PRDM16: variants seen among roughly 807,000 people sequenced by gnomAD.
The protein encoded by PRDM16 is PR/SET domain 16.
PRDM16 carries 23 observed loss-of-function variants against 110.6 expected under a neutral mutation model. The observed-to-expected ratio is 0.21, with a 90% confidence interval of 0.15 to 0.29. PRDM16 has a LOEUF of 0.29. PRDM16 is among the 10% of genes least tolerant of loss of function. The pLI, the probability that PRDM16 is intolerant of heterozygous loss-of-function variation, is 1.00. For synonymous variants in PRDM16, 799 were observed against 781.8 expected, an observed-to-expected ratio of 1.02 and a Z score of -0.37; for missense variants, 1,615 against 1,794.3, an observed-to-expected ratio of 0.90 and a Z score of 1.81.
At chr1:3,351,113 G>A (rs570221132) in intron 3 of PRDM16, among the ~76,000 whole-genome samples, 93 of 152,274 alleles carry the variant, frequency 6.1e-4, no homozygotes, top group Middle Eastern at 3.4e-3. Context: ...AGACGTTTTG[G>A]GGGCATGTTC....
Position 3,250,375 on chromosome 1 carries a change from G to T in PRDM16, c.438+6238G>T, listed in dbSNP as rs927594520. On this transcript the variant is annotated intron_variant, in intron 3 of 16. Coordinates refer to ENST00000270722, the MANE Select transcript of PRDM16 (RefSeq NM_022114.4). Reference sequence around the variant, plus strand: ...GGGGCCCCTTCACAGGCTGATAAGGGTGATTAATGGCCCGTTAGCATGGCC... The same window carrying T: ...GGGGCCCCTTCACAGGCTGATAAGGTTGATTAATGGCCCGTTAGCATGGCC... Among the ~76,000 whole-genome samples, 17 of 152,280 alleles carry T rather than the reference G, an allele frequency of 1.1e-4. 1 individual carries two copies. Among genetic ancestry groups the T allele is most frequent in the African/African-American group, 4.1e-4 (17 of 41,554 alleles).
At chr1:3,218,558 GT>G (rs1639083713) in intron 2 of PRDM16, among the ~76,000 whole-genome samples, 1 of 152,184 alleles carries the variant, frequency 6.6e-6, no homozygotes, top group East Asian at 1.9e-4. Context: ...TCTTCACCAA[GT>G]TTTGAATGGC....
chr1:3,264,321 C>A (rs1640235760), intron 3 of PRDM16, among the ~76,000 whole-genome samples: 2 of 152,026 alleles, frequency 1.3e-5, no homozygotes, highest in Non-Finnish European at 2.9e-5. Flanking sequence ...ATCCAAGGAC[C>A]CCGGGCCAGA....
At chr1:3,198,626 C>T (rs1306924470) in intron 2 of PRDM16, among the ~76,000 whole-genome samples, 1 of 152,168 alleles carries the variant, frequency 6.6e-6, no homozygotes, top group African/African-American at 2.4e-5. Context: ...GCATGAAGAA[C>T]GGCACCAGCC....
intron 1 of PRDM16, among the ~76,000 whole-genome samples, chr1:3,162,282 C>G (rs1480498085): frequency 6.6e-6 from 1 of 152,080 alleles, no homozygotes; most frequent in Non-Finnish European, 1.5e-5. Context: ...TCCCGAGTCC[C>G]GGGACTTTCT....
chr1:3,411,313 C>A, intron 8 of PRDM16, 71 bp from the exon 9 acceptor site: 3 of 1,512,304 alleles, frequency 2.0e-6, no homozygotes, highest in South Asian at 2.6e-5. Context: ...CCAGTAATTT[C>A]ATGTGGCGTT....
intron 3 of PRDM16, among the ~76,000 whole-genome samples, chr1:3,365,997 C>T (rs187472602): frequency 1.2e-3 from 184 of 152,296 alleles, no homozygotes; most frequent in African/African-American, 4.1e-3. Context: ...AACATGCACA[C>T]ATACGCGCAC....
chr1:3,179,312 G>T (rs1440805952), intron 1 of PRDM16, among the ~76,000 whole-genome samples: 1 of 152,264 alleles, frequency 6.6e-6, no homozygotes, highest in Non-Finnish European at 1.5e-5. Context: ...GACAGGCTGG[G>T]TGTCAGGGGC....
chr1:3,341,770 C>G (rs1206940041), intron 3 of PRDM16, among the ~76,000 whole-genome samples: 1 of 152,254 alleles, frequency 6.6e-6, no homozygotes, highest in Non-Finnish European at 1.5e-5. Context: ...GCTCCCAGGC[C>G]AGCCACACAG....
rs1185349819 is a variant in PRDM16 at position 3,352,586 on chromosome 1, C to T, written c.439-32566C>T. ...AAGGCCTCCTGCTGCTTTTAATAGG[C>T]CTGCGGGCCTGACCATCTGATGAGA... is the stretch of plus-strand genomic sequence containing the variant. On this transcript the variant is annotated intron_variant, in intron 3 of 16. Coordinates refer to ENST00000270722, the MANE Select transcript of PRDM16 (RefSeq NM_022114.4). 2.6e-5 allele frequency among the ~76,000 whole-genome samples: 4 copies of T among 152,358 alleles called. No homozygotes were observed. In the South Asian group the frequency reaches 6.2e-4, roughly 24 times the overall value.
At chr1:3,407,596 G>A (rs544745138) in intron 8 of PRDM16, among the ~76,000 whole-genome samples, 1 of 152,348 alleles carries the variant, frequency 6.6e-6, no homozygotes, top group East Asian at 1.9e-4. Flanking sequence ...TGCCTCAGAT[G>A]ACAACGTGGA....
intron 1 of PRDM16, among the ~76,000 whole-genome samples, chr1:3,168,939 C>A (rs1256670525): frequency 1.3e-5 from 2 of 152,332 alleles, no homozygotes; most frequent in Non-Finnish European, 1.5e-5. Flanking sequence ...CCTGAGCTGA[C>A]CCCTGTGGCC....
intron 3 of PRDM16, among the ~76,000 whole-genome samples, chr1:3,262,503 C>T (rs1274116859): frequency 1.3e-5 from 2 of 152,328 alleles, no homozygotes; most frequent in South Asian, 2.1e-4. Flanking sequence ...TGGCGGGAGG[C>T]GTGGTTGGCC....
At chr1:3,326,625 C>A (rs1641915907) in intron 3 of PRDM16, among the ~76,000 whole-genome samples, 1 of 152,198 alleles carries the variant, frequency 6.6e-6, no homozygotes, top group Non-Finnish European at 1.5e-5. Flanking sequence ...TGCCCATTTT[C>A]ATGAGTGCAC....
chr1:3,428,040 A>G (rs1350693397), intron 14 of PRDM16, among the ~76,000 whole-genome samples: 1 of 152,186 alleles, frequency 6.6e-6, no homozygotes, highest in Non-Finnish European at 1.5e-5. Flanking sequence ...GAGTAAGGCC[A>G]GGCGAGGAAC....
chr1:3,226,197 C>T (rs750221122), intron 2 of PRDM16, among the ~76,000 whole-genome samples: 4 of 152,228 alleles, frequency 2.6e-5, no homozygotes, highest in African/African-American at 4.8e-5. Context: ...CCAAGAAGCA[C>T]GGGGTGGCTG....
chr1:3,120,707 T>C (rs1159546702), intron 1 of PRDM16, among the ~76,000 whole-genome samples: 1 of 152,012 alleles, frequency 6.6e-6, no homozygotes. Context: ...GCAGGGTGGA[T>C]AGTCGGTGAG....
rs149067654 is a variant in PRDM16 at position 3,191,188 on chromosome 1, A to G, written c.387+4714A>G. Among the ~76,000 whole-genome samples, 297 of 152,350 alleles carry G rather than the reference A, an allele frequency of 1.9e-3. 3 individuals are homozygous for G. The highest frequency in any genetic ancestry group is 6.5e-3 in the African/African-American group (271 of 41,588). On this transcript the variant is annotated intron_variant, in intron 2 of 16. Transcript: ENST00000270722. ...CTGAAGAGGCCAGGTGAAAAATGTT[A>G]ATGTGAATTGATGGGGTTTCAATTA...
rs940029687 is a variant in PRDM16 at position 3,265,022 on chromosome 1, G to A, written c.438+20885G>A. 4.0e-5 allele frequency among the ~76,000 whole-genome samples: 6 copies of A among 151,774 alleles called. No individual in the cohort carries two copies. Among genetic ancestry groups the A allele is most frequent in the African/African-American group, 1.5e-4 (6 of 41,302 alleles). On this transcript the variant is annotated intron_variant, in intron 3 of 16. Coordinates refer to ENST00000270722, the MANE Select transcript of PRDM16 (RefSeq NM_022114.4). This position sits in a 1 kb window ranked among gnomAD's most constrained non-coding sequence, Gnocchi z 4.5. ...ACAGATGCAGATTTCTGAGCACAGA[G>A]AAACCTGAGCTGAGCCACTGAGTCC...
Sources: gnomAD v4.1 joint callset for allele counts (sites outside exome capture counted in the v4.1 genomes callset) on GRCh38, gnomAD v4.1.1 for gene constraint, Gnocchi (gnomAD v3.1) non-coding constraint, MANE v1.5 for transcripts, NCBI Gene and HGNC (gene_info 2026-07-23, HGNC 2026-07-21) for gene names.